SPTA1: variants seen among roughly 807,000 people sequenced by gnomAD.
SPTA1 encodes the protein spectrin alpha chain, erythrocytic 1.
A neutral mutation model predicts 324.7 loss-of-function variants in SPTA1; 177 were observed. That is an observed-to-expected ratio of 0.55 (90% confidence interval 0.48 to 0.62). SPTA1 has a LOEUF of 0.62. Ranked by LOEUF, SPTA1 falls within the 20% of genes least tolerant of loss-of-function variation. The pLI, the probability that SPTA1 is intolerant of heterozygous loss-of-function variation, is 0.00. For synonymous variants in SPTA1, 1,195 were observed against 1,041.3 expected (o/e 1.15, Z -2.84); for missense variants, 3,162 against 2,883.6 (o/e 1.10, Z -2.21).
intron 13 of SPTA1, 45 bp from the exon 14 acceptor site, chr1:158,669,608 G>A: frequency 6.2e-7 from 1 of 1,614,034 alleles, no homozygotes; most frequent in Non-Finnish European, 8.5e-7. Context: ...AACCAAATAT[G>A]GACATGTGAG....
At chr1:158,643,469 G>A (rs772144172) in intron 30 of SPTA1, 44 bp from the exon 31 acceptor site, 40 of 1,573,728 alleles carry the variant, frequency 2.5e-5, no homozygotes, top group Non-Finnish European at 3.0e-5. Context: ...TGGAGATTAG[G>A]CTCTTGGTGC....
intron 7 of SPTA1, 75 bp downstream of exon 7, chr1:158,677,615 A>G: frequency 6.3e-7 from 1 of 1,575,728 alleles, no homozygotes; most frequent in Non-Finnish European, 8.7e-7. Flanking sequence ...CTCTGGAGGC[A>G]CGGTAATAGG....
chr1:158,681,060 A>G (rs1190487439), intron 4 of SPTA1, among the ~76,000 whole-genome samples: 2 of 152,156 alleles, frequency 1.3e-5, no homozygotes, highest in African/African-American at 4.8e-5. Flanking sequence ...CTACGAAAGT[A>G]TTTTGTTAGG....
rs777168896 is a variant in SPTA1 at position 158,645,573 on chromosome 1, A to T, written c.3918T>A (p.Ser1306Arg). ...SKARDLQNWISSIGGMVSSQE... is the reference protein window; with the variant it reads ...SKARDLQNWIRSIGGMVSSQE... ...GTGATGATACCATGCCACCAATGCT[A>T]CTGATCCAGTTCTGCAGATCCCTAG... The change falls in exon 28 of 52, where the codon AGT becomes AGA. Residue 1306 changes from serine (S) to arginine (R), a missense_variant. Physicochemically the swap from Ser to Arg is moderately radical, Grantham distance 110. Coordinates refer to ENST00000643759, the MANE Select transcript of SPTA1 (RefSeq NM_003126.4). The T allele has an allele frequency of 1.2e-6, 2 of 1,614,022 alleles. No individual in the cohort carries two copies. Among genetic ancestry groups the T allele is most frequent in the Non-Finnish European group, 8.5e-7 (1 of 1,179,912 alleles).
At chr1:158,640,853 CAATCCT>C (rs1476591018) in intron 33 of SPTA1, among the ~76,000 whole-genome samples, 1 of 152,162 alleles carries the variant, frequency 6.6e-6, no homozygotes, top group Non-Finnish European at 1.5e-5. Flanking sequence ...ATTGCCAAGT[CAATCCT>C]AAGGCAAAAG....
chr1:158,618,799 C>T (rs1310905506), intron 45 of SPTA1, among the ~76,000 whole-genome samples: 1 of 152,180 alleles, frequency 6.6e-6, no homozygotes, highest in Non-Finnish European at 1.5e-5. Context: ...TCTACTTGAA[C>T]TTTCCACACT....
intron 12 of SPTA1, among the ~76,000 whole-genome samples, chr1:158,670,060 T>G (rs1425992809): frequency 6.6e-6 from 1 of 152,250 alleles, no homozygotes; most frequent in African/African-American, 2.4e-5. Flanking sequence ...GATTGATTTA[T>G]TCTTGTCTTC....
Position 158,620,610 on chromosome 1 carries a change from T to C in SPTA1, c.6121-144A>G, listed in dbSNP as rs1461455210. The C allele has an allele frequency of 5.7e-5, 54 of 951,642 alleles. No homozygotes were observed. The East Asian group carries it at 1.4e-3, about 24-fold the overall frequency. 58.9% of individuals were successfully genotyped at this position (951,642 alleles called of 1,614,324 possible). On this transcript the variant is annotated intron_variant, in intron 43 of 51. Coordinates refer to ENST00000643759, the MANE Select transcript of SPTA1 (RefSeq NM_003126.4). ...GGGCAGAACTAAAACCAATAGGGAC[T>C]GTGTACTTTGATGGTTGAACATGTG...
intron 46 of SPTA1, 66 bp from the exon 47 acceptor site, chr1:158,617,654 C>A: frequency 7.1e-7 from 1 of 1,403,712 alleles, no homozygotes; most frequent in South Asian, 1.2e-5. Flanking sequence ...ACATGCATAC[C>A]AACTCGAAGC....
rs1651251346 is a variant in SPTA1, at chr1:158,638,347, C to G, written c.4981-106G>C. The G allele has an allele frequency of 9.9e-6, 11 of 1,116,542 alleles. No individual in the cohort carries two copies. The South Asian group carries it at 1.3e-4, about 13-fold the overall frequency. 69.2% of individuals were successfully genotyped at this position (1,116,542 alleles called of 1,614,324 possible). On this transcript the variant is annotated intron_variant, in intron 35 of 51. Transcript: ENST00000643759. ...CTCAAAGACTGGGCCAAATGGATTG[C>G]TTTTAAAGACATGGAGTTTGATTAT...
rs572852959 is a variant in SPTA1 at position 158,624,110 on chromosome 1, C to G, written c.5911-918G>C. On this transcript the variant is annotated intron_variant, in intron 42 of 51. Coordinates refer to ENST00000643759, the MANE Select transcript of SPTA1 (RefSeq NM_003126.4). ...GATTTCAGAGGATGTATGGAAACACCTACATACTGCAGGGGTAGAAGTCTA... is the reference window on the plus strand; with the variant it reads ...GATTTCAGAGGATGTATGGAAACACGTACATACTGCAGGGGTAGAAGTCTA... 1.2e-4 allele frequency among the ~76,000 whole-genome samples: 12 copies of G among 96,438 alleles called. No homozygotes were observed. The East Asian group carries it at 3.9e-3, about 31-fold the overall frequency. The allele number at this position is 96,438 out of a possible 152,430, so 63.3% of individuals were successfully genotyped here.
intron 39 of SPTA1, among the ~76,000 whole-genome samples, chr1:158,630,293 A>G (rs371427415): frequency 8.5e-4 from 129 of 152,188 alleles, no homozygotes; most frequent in African/African-American, 2.9e-3. Flanking sequence ...TGGCATAAAA[A>G]CAGACATAGA....
Position 158,672,117 on chromosome 1 carries a change from T to G in SPTA1, c.1430A>C (p.Asp477Ala). 4 of 1,614,094 alleles carry G rather than the reference T, an allele frequency of 2.5e-6. No homozygotes were observed. Among genetic ancestry groups the G allele is most frequent in the Non-Finnish European group, 3.4e-6 (4 of 1,179,988 alleles). The stretch of plus-strand genomic sequence containing the variant: ...ACTGTCTCTGTAGAAGAGATGAAAG[T>G]CCAAGCACTGCTCATACTGACGATG... ...ERHRQYEQCLDFHLFYRDSEQ... is the reference protein window; with the variant it reads ...ERHRQYEQCLAFHLFYRDSEQ... The change falls in exon 11 of 52, where the codon GAC becomes GCC. Residue 477 changes from aspartate to alanine, a missense_variant. Physicochemically the swap from Asp to Ala is moderately radical, Grantham distance 126. Coordinates refer to ENST00000643759, the MANE Select transcript of SPTA1 (RefSeq NM_003126.4).
rs1649691598 is a variant in SPTA1, at chr1:158,618,134, C to T, written c.6531-78G>A. 2.9e-6 allele frequency: 4 copies of T among 1,367,602 alleles called. No homozygotes were observed. In the East Asian group the frequency reaches 9.1e-5, roughly 31 times the overall value. 84.7% of individuals were successfully genotyped at this position (1,367,602 alleles called of 1,614,324 possible). A position where few individuals can be genotyped will look rare whatever the true frequency, so the allele number is the denominator to read the frequency against. On this transcript the variant is annotated intron_variant, in intron 45 of 51. Transcript: ENST00000643759. ...TGTTAAAATGGATTACTTTAAAGAT[C>T]TCATTTCCTCAGATTTATGAAACAT...
intron 19 of SPTA1, 96 bp from the exon 20 acceptor site, chr1:158,656,752 C>T: frequency 8.9e-7 from 1 of 1,119,336 alleles, no homozygotes; most frequent in Non-Finnish European, 1.3e-6. Flanking sequence ...GTCTTAAATC[C>T]TGGTAAAAGC....
intron 18 of SPTA1, among the ~76,000 whole-genome samples, chr1:158,659,490 A>G (rs1468730089): frequency 6.6e-6 from 1 of 151,944 alleles, no homozygotes; most frequent in East Asian, 1.9e-4. Flanking sequence ...CATATACTCC[A>G]TTAGACAGAA....
chr1:158,613,948 G>A, intron 49 of SPTA1, 81 bp from the exon 50 acceptor site: 1 of 1,471,568 alleles, frequency 6.8e-7, no homozygotes, highest in Non-Finnish European at 9.3e-7. Flanking sequence ...ATGTCTTATT[G>A]CGTCAGCTGA....
At chr1:158,675,680 G>A (rs1654346931) in intron 8 of SPTA1, among the ~76,000 whole-genome samples, 1 of 151,948 alleles carries the variant, frequency 6.6e-6, no homozygotes, top group Non-Finnish European at 1.5e-5. Flanking sequence ...AATAAAATAA[G>A]AATTATTTAA....
intron 10 of SPTA1, 143 bp from the exon 11 acceptor site, chr1:158,672,339 A>C (rs1654087569): frequency 2.5e-6 from 2 of 802,656 alleles, no homozygotes; most frequent in Admixed American, 4.6e-5. Context: ...CTTTTAAGCA[A>C]ATGATTGTAC....
Sources: gnomAD v4.1 joint callset for allele counts (sites outside exome capture counted in the v4.1 genomes callset) on GRCh38, gnomAD v4.1.1 for gene constraint, MANE v1.5 for transcripts, NCBI Gene and HGNC (gene_info 2026-07-23, HGNC 2026-07-21) for gene names.